Variants in ST18 observed in about 807,000 individuals in gnomAD.
ST18 encodes the protein suppression of tumorigenicity 18 protein.
In ST18, 50 loss-of-function variants were observed where a neutral mutation model predicts 110.0. That is an observed-to-expected ratio of 0.45 (90% CI 0.36 to 0.58). ST18 has a LOEUF of 0.58. Among genes scored for constraint, ST18 ranks in the 20% least tolerant of loss-of-function variants. ST18 has a pLI of 0.00. For missense variants in ST18, 1,306 were observed against 1,280.1 expected, an observed-to-expected ratio of 1.02 and a Z score of -0.31; for synonymous variants, 461 against 452.4, an observed-to-expected ratio of 1.02 and a Z score of -0.24.
chr8:52,143,215 G>C (rs773043410), intron 16 of ST18, among the ~76,000 whole-genome samples, 170 bp from the exon 17 acceptor site: 1 of 152,242 alleles, frequency 6.6e-6, no homozygotes, highest in Non-Finnish European at 1.5e-5. Flanking sequence ...GGCCAGGCGA[G>C]GTGGCTGATG....
chr8:52,236,945 T>C (rs2092763930), intron 2 of ST18, among the ~76,000 whole-genome samples: 1 of 152,320 alleles, frequency 6.6e-6, no homozygotes, highest in Admixed American at 6.5e-5. Flanking sequence ...AGAGTTAGAA[T>C]GGTGACACAC....
At chr8:52,362,043 C>T (rs2140456156) in intron 2 of ST18, among the ~76,000 whole-genome samples, 1 of 152,280 alleles carries the variant, frequency 6.6e-6, no homozygotes, top group Non-Finnish European at 1.5e-5. Flanking sequence ...ATTTTAAAAA[C>T]ACTACCTGGC....
chr8:52,317,196 G>C (rs1445685934), intron 2 of ST18, among the ~76,000 whole-genome samples: 1 of 152,122 alleles, frequency 6.6e-6, no homozygotes, highest in Non-Finnish European at 1.5e-5. Flanking sequence ...GACCTTATTT[G>C]AAAAGAGTCT....
chr8:52,311,243 G>C (rs1041651834), intron 2 of ST18, among the ~76,000 whole-genome samples: 2 of 152,218 alleles, frequency 1.3e-5, no homozygotes, highest in Non-Finnish European at 2.9e-5. Flanking sequence ...GGACCAGGCT[G>C]AGCTGGACAT....
chr8:52,347,686 AG>A lies in ST18; in HGVS notation c.-465+61641del, dbSNP rs2140280448. The stretch of plus-strand genomic sequence containing the variant: ...CTTACTGTATCCCAGGCACTATTCT[AG>A]GAAGTTTTATGCATTAATTCCCACA... On this transcript the variant is annotated intron_variant, in intron 2 of 25. Transcript: ENST00000689386. Among the ~76,000 whole-genome samples the A allele has an allele frequency of 1.3e-5, 2 of 152,348 alleles. 1 individual carries two copies. The highest frequency in any genetic ancestry group is 4.1e-4 in the South Asian group (2 of 4,830).
intron 9 of ST18, among the ~76,000 whole-genome samples, chr8:52,175,637 C>A (rs1273770597): frequency 1.3e-5 from 2 of 152,092 alleles, no homozygotes; most frequent in Non-Finnish European, 2.9e-5. Context: ...CCTAGGACAA[C>A]AAACTGTTTG....
chr8:52,118,031 CCATCA>C (rs1430799145), intron 24 of ST18, among the ~76,000 whole-genome samples: 2 of 152,150 alleles, frequency 1.3e-5, no homozygotes, highest in Non-Finnish European at 2.9e-5. Context: ...TCTTACCTTT[CCATCA>C]CATTTTTTTT....
At chr8:52,355,259 C>T (rs1005502228) in intron 2 of ST18, among the ~76,000 whole-genome samples, 1 of 152,166 alleles carries the variant, frequency 6.6e-6, no homozygotes, top group Admixed American at 6.5e-5. Flanking sequence ...GAGCCAGTGC[C>T]CTTATCTATA....
At chr8:52,256,915 T>G (rs1300066280) in intron 2 of ST18, among the ~76,000 whole-genome samples, 3 of 152,194 alleles carry the variant, frequency 2.0e-5, no homozygotes, top group Non-Finnish European at 4.4e-5. Context: ...ATGCCAGAAA[T>G]GCCATACTCA....
At chr8:52,324,837 T>C (rs1202143681) in intron 2 of ST18, among the ~76,000 whole-genome samples, 1 of 152,238 alleles carries the variant, frequency 6.6e-6, no homozygotes, top group Non-Finnish European at 1.5e-5. Flanking sequence ...ATAGCAATTA[T>C]ATAGCTTGTT....
At chr8:52,340,015 T>C (rs1454365453) in intron 2 of ST18, among the ~76,000 whole-genome samples, 1 of 152,252 alleles carries the variant, frequency 6.6e-6, no homozygotes, top group South Asian at 2.1e-4. Flanking sequence ...AAGTGTTAAA[T>C]AGCATGAAGT....
intron 2 of ST18, among the ~76,000 whole-genome samples, chr8:52,366,348 T>A (rs1397166057): frequency 6.6e-6 from 1 of 152,052 alleles, no homozygotes; most frequent in African/African-American, 2.4e-5. Flanking sequence ...AAAACATAAA[T>A]CCCACCATGT....
intron 4 of ST18, among the ~76,000 whole-genome samples, chr8:52,221,202 T>G (rs1588771697): frequency 6.6e-6 from 1 of 152,268 alleles, no homozygotes; most frequent in East Asian, 1.9e-4. Flanking sequence ...TTAATGATCA[T>G]TACTATTATT....
intron 2 of ST18, among the ~76,000 whole-genome samples, chr8:52,374,462 C>T (rs1226051525): frequency 6.6e-6 from 1 of 152,128 alleles, no homozygotes; most frequent in Non-Finnish European, 1.5e-5. Context: ...GACTTCTGGC[C>T]TCCTGAACTA....
At chr8:52,173,778 A>ATG (rs2065878419) in intron 9 of ST18, among the ~76,000 whole-genome samples, 2 of 152,242 alleles carry the variant, frequency 1.3e-5, no homozygotes. Flanking sequence ...ACTGTTAAAG[A>ATG]CACCAAGAGC....
At chr8:52,375,251 T>C (rs1318596537) in intron 2 of ST18, among the ~76,000 whole-genome samples, 1 of 152,100 alleles carries the variant, frequency 6.6e-6, no homozygotes, top group African/African-American at 2.4e-5. Context: ...TTCACTTGAC[T>C]CCACTTTCCC....
chr8:52,219,714 T>C (rs2085889026), intron 5 of ST18, among the ~76,000 whole-genome samples: 1 of 152,194 alleles, frequency 6.6e-6, no homozygotes, highest in South Asian at 2.1e-4. Flanking sequence ...GGGCCATGTG[T>C]AGGCACATTC....
chr8:52,152,416 A>C (rs1408426225), intron 15 of ST18, among the ~76,000 whole-genome samples: 1 of 152,044 alleles, frequency 6.6e-6, no homozygotes, highest in Non-Finnish European at 1.5e-5. Flanking sequence ...TAATATTCTG[A>C]TTTCTTCAAG....
intron 13 of ST18, 31 bp downstream of exon 13, chr8:52,163,955 G>A (rs768128781): frequency 6.4e-7 from 1 of 1,550,686 alleles, no homozygotes; most frequent in Admixed American, 1.7e-5. Context: ...TGGATGAAGA[G>A]AGCACTGAGA....
Sources: allele counts gnomAD v4.1 joint callset (sites outside exome capture counted in the v4.1 genomes callset), GRCh38; gene constraint gnomAD v4.1.1; transcripts MANE v1.5; gene names NCBI Gene and HGNC (gene_info 2026-07-23, HGNC 2026-07-21).